Variants in SCRG1 observed in about 807,000 individuals in gnomAD.
SCRG1 encodes the protein scrapie-responsive protein 1.
Under a neutral mutation model 7.7 loss-of-function variants are expected in SCRG1, and 3 were observed. The observed-to-expected ratio is 0.39, with a 90% CI of 0.18 to 1.01. SCRG1 has a LOEUF of 1.01. SCRG1 is among the 50% of genes least tolerant of loss of function. SCRG1 has a pLI of 0.36. For synonymous variants in SCRG1, 46 were observed against 41.2 expected (o/e 1.12, Z -0.44); for missense variants, 110 against 117.2 (o/e 0.94, Z 0.28).
intron 1 of SCRG1, among the ~76,000 whole-genome samples, chr4:173,395,677 T>A (rs1228951976): frequency 1.3e-5 from 2 of 152,222 alleles, no homozygotes; most frequent in African/African-American, 4.8e-5. Context: ...CCCAAAGCAC[T>A]TATATATAAT....
chr4:173,388,852 A>G (rs1739327299), intron 2 of SCRG1, among the ~76,000 whole-genome samples: 1 of 152,220 alleles, frequency 6.6e-6, no homozygotes. Flanking sequence ...AAAGTAATAT[A>G]TAAAAATGCA....
chr4:173,389,902 G>GC, intron 2 of SCRG1: 2 of 409,016 alleles, frequency 4.9e-6, no homozygotes, highest in Admixed American at 4.9e-5. Context: ...TCTGTTGAAA[G>GC]TAATTTGAAA....
chr4:173,439,069 G>T, the SCRG1 span, among the ~76,000 whole-genome samples: 3 of 152,020 alleles, frequency 2.0e-5, no homozygotes, highest in East Asian at 5.8e-4. Flanking sequence ...GATTATCCAC[G>T]TGCTTTCTTT....
chr4:173,497,650 C>CAAAAA, the SCRG1 span, among the ~76,000 whole-genome samples: 1 of 103,844 alleles, frequency 9.6e-6, no homozygotes. Context: ...AGCAAGCAAG[C>CAAAAA]AAAAAAAAAA....
At chr4:173,421,417 G>T in the SCRG1 span, among the ~76,000 whole-genome samples, 1 of 25,652 alleles carries the variant, frequency 3.9e-5, no homozygotes, top group African/African-American at 1.1e-4. Context: ...TTAGTTTGTT[G>T]GGGGGGGGTT....
chr4:173,485,110 T>A, the SCRG1 span, among the ~76,000 whole-genome samples: 50 of 12,608 alleles, frequency 4.0e-3, 11 homozygotes, highest in African/African-American at 8.0e-3. Context: ...TATTATATAT[T>A]ATATAATATA....
the SCRG1 span, among the ~76,000 whole-genome samples, chr4:173,422,667 T>C: frequency 1.3e-5 from 2 of 152,182 alleles, no homozygotes; most frequent in Admixed American, 6.5e-5. Context: ...TATAGTGGAA[T>C]TTAGTATTAT....
the SCRG1 span, among the ~76,000 whole-genome samples, chr4:173,487,455 A>T: frequency 6.6e-6 from 1 of 152,234 alleles, no homozygotes. Context: ...TGAAAATCTC[A>T]GAAGACATGA....
the SCRG1 span, among the ~76,000 whole-genome samples, chr4:173,422,823 T>C: frequency 6.6e-6 from 1 of 152,234 alleles, no homozygotes; most frequent in Non-Finnish European, 1.5e-5. Flanking sequence ...TTTCATTTTA[T>C]ATTTTAATTG....
the SCRG1 span, among the ~76,000 whole-genome samples, chr4:173,484,952 ATAT>A: frequency 6.1e-3 from 330 of 54,370 alleles, 10 homozygotes; most frequent in Middle Eastern, 0.028. Flanking sequence ...ATTATATATA[ATAT>A]TATATATATT....
the SCRG1 span, among the ~76,000 whole-genome samples, chr4:173,453,475 C>T: frequency 2.1e-4 from 32 of 152,298 alleles, no homozygotes; most frequent in South Asian, 3.1e-3. Context: ...CAAACCTAGA[C>T]GGTAGAGCCT....
chr4:173,510,556 A>G, the SCRG1 span, among the ~76,000 whole-genome samples: 3 of 152,078 alleles, frequency 2.0e-5, no homozygotes, highest in Non-Finnish European at 4.4e-5. The surrounding 1 kb of genome is among the most constrained non-coding windows in gnomAD (Gnocchi z 5.7). Context: ...GGGTAGCCCT[A>G]TGGAGATCCA....
At chr4:173,442,363 C>T in the SCRG1 span, among the ~76,000 whole-genome samples, 2 of 152,280 alleles carry the variant, frequency 1.3e-5, no homozygotes, top group East Asian at 3.9e-4. Flanking sequence ...GAGTGAGAGT[C>T]ACTGCTGGGG....
the SCRG1 span, among the ~76,000 whole-genome samples, chr4:173,495,244 C>T: frequency 6.6e-6 from 1 of 152,312 alleles, no homozygotes; most frequent in African/African-American, 2.4e-5. Flanking sequence ...CATTCAGTGC[C>T]TTATACATTT....
At chr4:173,423,472 A>G in the SCRG1 span, among the ~76,000 whole-genome samples, 25 of 152,320 alleles carry the variant, frequency 1.6e-4, no homozygotes, top group Non-Finnish European at 1.9e-4. Flanking sequence ...AGTTTAGCAC[A>G]TTCACTTGCA....
At chr4:173,451,491 G>A in the SCRG1 span, among the ~76,000 whole-genome samples, 7 of 151,924 alleles carry the variant, frequency 4.6e-5, no homozygotes, top group East Asian at 9.7e-4. Context: ...CAAGAAGATA[G>A]CACGTTCTCC....
At chr4:173,448,402 C>T in the SCRG1 span, among the ~76,000 whole-genome samples, 1 of 152,178 alleles carries the variant, frequency 6.6e-6, no homozygotes, top group South Asian at 2.1e-4. Context: ...CCACGAAAGC[C>T]TTAGGATCCT....
the SCRG1 span, among the ~76,000 whole-genome samples, chr4:173,443,807 A>C: frequency 2.0e-5 from 3 of 152,152 alleles, no homozygotes; most frequent in Non-Finnish European, 2.9e-5. Flanking sequence ...CTGGGACTAT[A>C]GGCTTGCGTC....
chr4:173,462,338 G>A, the SCRG1 span, among the ~76,000 whole-genome samples: 1 of 141,808 alleles, frequency 7.1e-6, no homozygotes, highest in East Asian at 2.2e-4. Context: ...AAACAATGGA[G>A]CTCCGATACT....
Sources: gnomAD v4.1 joint callset for allele counts (sites outside exome capture counted in the v4.1 genomes callset) on GRCh38, gnomAD v4.1.1 for gene constraint, Gnocchi (gnomAD v3.1) non-coding constraint, MANE v1.5 for transcripts, NCBI Gene and HGNC (gene_info 2026-07-23, HGNC 2026-07-21) for gene names.